The following PXDN variants were observed in gnomAD, a reference collection of about 807,000 sequenced individuals.
The protein encoded by PXDN is peroxidasin.
PXDN carries 77 observed loss-of-function variants against 140.3 expected under a neutral mutation model. That is an observed-to-expected ratio of 0.55 (90% CI 0.46 to 0.66). PXDN has a LOEUF of 0.66. PXDN is among the 30% of genes least tolerant of loss of function. PXDN has a pLI of 0.00. For synonymous variants in PXDN, 911 were observed against 857.4 expected (o/e 1.06, Z -1.09); for missense variants, 1,838 against 2,039.5 (o/e 0.90, Z 1.90).
rs1466450161 is a variant in PXDN, at chr2:1,676,824, G to C, written c.848+103C>G. The C allele has an allele frequency of 2.8e-6, 3 of 1,088,508 alleles. No homozygotes were observed. In the East Asian group the frequency reaches 7.7e-5, roughly 28 times the overall value. 67.4% of individuals were successfully genotyped at this position (1,088,508 alleles called of 1,614,324 possible). Reference sequence around the variant, plus strand: ...TTTGTACTTTTCCCTACGTGGAGGAGGAAAAGTGGACGTGGGCCTTGGTGG... The same window carrying C: ...TTTGTACTTTTCCCTACGTGGAGGACGAAAAGTGGACGTGGGCCTTGGTGG... On this transcript the variant is annotated intron_variant, in intron 8 of 22. Coordinates refer to ENST00000252804, the MANE Select transcript of PXDN (RefSeq NM_012293.3).
At chr2:1,683,069 G>A (rs1343201295) in intron 6 of PXDN, among the ~76,000 whole-genome samples, 1 of 151,890 alleles carries the variant, frequency 6.6e-6, no homozygotes, top group Admixed American at 6.6e-5. Context: ...TTAATTTGAT[G>A]AATTTAAAGA....
intron 1 of PXDN, among the ~76,000 whole-genome samples, chr2:1,696,147 C>T (rs4853846): frequency 0.32 from 48,027 of 152,196 alleles, 8,264 homozygotes; most frequent in African/African-American, 0.45. Flanking sequence ...ATATTGAGTG[C>T]ATGCTGAAAC....
At chr2:1,711,736 C>T (rs1049565891) in intron 1 of PXDN, among the ~76,000 whole-genome samples, 7 of 152,228 alleles carry the variant, frequency 4.6e-5, no homozygotes, top group Admixed American at 3.9e-4. Flanking sequence ...TGGGGGAAGG[C>T]AAGTGCTGGT....
In PXDN at chr2:1,660,443, C is replaced by G. The variant is rs1170130993; in HGVS notation, c.1837+438G>C. The stretch of plus-strand genomic sequence containing the variant: ...ACCTAGAGGTTCCCACTGAAAGATG[C>G]TTCCAGAGCATTCCTGGCCAAAGCC... On this transcript the variant is annotated intron_variant, in intron 14 of 22. Transcript: ENST00000252804. This position sits in a 1 kb window ranked among gnomAD's most constrained non-coding sequence, Gnocchi z 4.6. Among the ~76,000 whole-genome samples, 2 of 152,220 alleles carry G rather than the reference C, an allele frequency of 1.3e-5. No homozygotes were observed. Among genetic ancestry groups the G allele is most frequent in the Non-Finnish European group, 2.9e-5 (2 of 68,038 alleles).
intron 1 of PXDN, among the ~76,000 whole-genome samples, chr2:1,712,011 T>C (rs931073256): frequency 4.6e-5 from 7 of 152,196 alleles, no homozygotes; most frequent in Non-Finnish European, 1.0e-4. Flanking sequence ...AATCATCCAG[T>C]AAATTATTTT....
At chr2:1,743,623 G>A (rs1277566776) in intron 1 of PXDN, among the ~76,000 whole-genome samples, 1 of 147,216 alleles carries the variant, frequency 6.8e-6, no homozygotes, top group Non-Finnish European at 1.5e-5. Context: ...GGGAGAGGGC[G>A]GAGGCTGGGG....
At chr2:1,693,876 A>G (rs1684238156) in intron 1 of PXDN, among the ~76,000 whole-genome samples, 1 of 152,222 alleles carries the variant, frequency 6.6e-6, no homozygotes, top group South Asian at 2.1e-4. Flanking sequence ...GCTCAGGCAG[A>G]GCAAGCTGGG....
chr2:1,693,873 C>G (rs910854671), intron 1 of PXDN, among the ~76,000 whole-genome samples: 12 of 152,168 alleles, frequency 7.9e-5, no homozygotes, highest in African/African-American at 2.9e-4. Context: ...GATGCTCAGG[C>G]AGAGCAAGCT....
At chr2:1,673,889 T>G in intron 8 of PXDN, 77 bp from the exon 9 acceptor site, 1 of 1,500,724 alleles carries the variant, frequency 6.7e-7, no homozygotes, top group South Asian at 1.2e-5. Flanking sequence ...GCACAGGGGT[T>G]TCCAGCCCTG....
intron 1 of PXDN, among the ~76,000 whole-genome samples, chr2:1,705,378 A>ATGCAGGG (rs1338754471): frequency 1.3e-5 from 2 of 152,022 alleles, no homozygotes; most frequent in Admixed American, 6.5e-5. Flanking sequence ...ACGACCTGGG[A>ATGCAGGG]TGCAGGGTGC....
chr2:1,741,165 G>A (rs1357544164), intron 1 of PXDN, among the ~76,000 whole-genome samples: 2 of 152,110 alleles, frequency 1.3e-5, no homozygotes, highest in South Asian at 2.1e-4. Flanking sequence ...CGGCGTGACC[G>A]TGAAGAAGAA....
rs139025351 is a variant in PXDN at position 1,639,471 on chromosome 2, C to T, written c.3953-49G>A. 1.3e-3 allele frequency: 2,067 copies of T among 1,608,496 alleles called. 22 individuals carry two copies. The East Asian group carries it at 0.023, about 18-fold the overall frequency. On this transcript the variant is annotated intron_variant, in intron 19 of 22. Coordinates refer to ENST00000252804, the MANE Select transcript of PXDN (RefSeq NM_012293.3). This position sits in a 1 kb window ranked among gnomAD's most constrained non-coding sequence, Gnocchi z 5.0. ...ATGTCAGCTCTGAAGGCTCTGACCTCGGGGAAATTAAGCACATCCTGCCAA... is the reference window on the plus strand; with the variant it reads ...ATGTCAGCTCTGAAGGCTCTGACCTTGGGGAAATTAAGCACATCCTGCCAA...
chr2:1,704,367 AGGGGGGGCAACTCCAGGTGAAG>A (rs1335761857), intron 1 of PXDN, among the ~76,000 whole-genome samples: 784 of 51,712 alleles, frequency 0.015, 67 homozygotes, highest in Middle Eastern at 0.034. Flanking sequence ...CTCCAGGTGA[AGGGGGGGCAACTCCAGGTGAAG>A]GGGGGGGCAA....
At chr2:1,673,925 C>A in intron 8 of PXDN, 113 bp from the exon 9 acceptor site, 1 of 1,156,254 alleles carries the variant, frequency 8.6e-7, no homozygotes. Context: ...GTGCGAGGAA[C>A]AGCTCACCTT....
At chr2:1,700,576 T>C (rs1684402169) in intron 1 of PXDN, among the ~76,000 whole-genome samples, 1 of 152,110 alleles carries the variant, frequency 6.6e-6, no homozygotes, top group Non-Finnish European at 1.5e-5. Context: ...GTCATTCGTG[T>C]TGCTCAGCAG....
chr2:1,699,656 G>A (rs1684376429), intron 1 of PXDN, among the ~76,000 whole-genome samples: 1 of 152,178 alleles, frequency 6.6e-6, no homozygotes, highest in Non-Finnish European at 1.5e-5. Flanking sequence ...GTTGCAGTGA[G>A]CCAAGGTAGC....
intron 1 of PXDN, among the ~76,000 whole-genome samples, chr2:1,720,141 T>G (rs1203639806): frequency 1.2e-4 from 3 of 24,168 alleles, no homozygotes; most frequent in Admixed American, 6.7e-4. Context: ...GAGGGAAGAA[T>G]GCAGAGAGAG....
chr2:1,666,154 C>T, intron 10 of PXDN, 60 bp downstream of exon 10: 1 of 1,589,516 alleles, frequency 6.3e-7, no homozygotes, highest in Non-Finnish European at 8.6e-7. Context: ...GCAGCGCGAG[C>T]TAGTGGAGGG....
At position 1,648,970 on chromosome 2, in the gene PXDN, C is replaced by A; in HGVS notation, c.2810G>T (p.Arg937Leu). 3 of 1,606,254 alleles carry A rather than the reference C, an allele frequency of 1.9e-6. No homozygotes were observed. The highest frequency in any genetic ancestry group is 1.7e-6 in the Non-Finnish European group (2 of 1,176,492). Residue 937 changes from arginine to leucine, a missense_variant, in exon 17 of 23, where the codon CGG becomes CTG. Physicochemically the swap from Arg to Leu is moderately radical, Grantham distance 102. Around this residue, in one of 5 missense-constraint regions of PXDN, gnomAD observed 850 missense variants for 894.1 expected, o/e 0.95. Coordinates refer to ENST00000252804, the MANE Select transcript of PXDN (RefSeq NM_012293.3). This position sits in a 1 kb window ranked among gnomAD's most constrained non-coding sequence, Gnocchi z 8.9. ...RDLASHRGLL[R>L]QGIVQRSGKP... The stretch of plus-strand genomic sequence containing the variant: ...CCCGGACCGCTGCACGATGCCCTGC[C>A]GCAGCAGGCCGCGGTGGCTGGCCAG...
Sources: gnomAD v4.1 joint callset for allele counts (sites outside exome capture counted in the v4.1 genomes callset) on GRCh38, gnomAD v4.1.1 for gene constraint, gnomAD v4.1.1 regional missense constraint, Gnocchi (gnomAD v3.1) non-coding constraint, MANE v1.5 for transcripts, NCBI Gene and HGNC (gene_info 2026-07-23, HGNC 2026-07-21) for gene names.